Variants in DCLK1 observed in about 807,000 individuals in gnomAD.
DCLK1 encodes the protein serine/threonine-protein kinase DCLK1.
A neutral mutation model predicts 86.2 loss-of-function variants in DCLK1; 16 were observed. The ratio of observed to expected loss-of-function variants is 0.19; its 90% confidence interval spans 0.13 to 0.28. The LOEUF (loss-of-function observed/expected upper bound fraction) is 0.28. Ranked by LOEUF, DCLK1 falls within the 10% of genes least tolerant of loss-of-function variation. The pLI is 1.00. For missense variants in DCLK1, 590 were observed against 940.2 expected, an observed-to-expected ratio of 0.63 and a Z score of 4.87; for synonymous variants, 369 against 370.5, an observed-to-expected ratio of 1.00 and a Z score of 0.05.
intron 4 of DCLK1, among the ~76,000 whole-genome samples, chr13:35,942,174 T>G (rs1329773017): frequency 6.6e-6 from 1 of 151,400 alleles, no homozygotes; most frequent in Non-Finnish European, 1.5e-5. Context: ...GACATTTTTT[T>G]TTTGTTTTTT....
intron 2 of DCLK1, among the ~76,000 whole-genome samples, chr13:36,116,032 C>A (rs1470448276): frequency 6.6e-6 from 1 of 151,704 alleles, no homozygotes; most frequent in African/African-American, 2.4e-5. Context: ...TCACTGCAAC[C>A]TCTGCCTCCT....
At chr13:35,853,878 G>T (rs537474101) in intron 6 of DCLK1, among the ~76,000 whole-genome samples, 102 of 152,300 alleles carry the variant, frequency 6.7e-4, no homozygotes, top group African/African-American at 2.3e-3. Context: ...GATAAGAACA[G>T]TAGTCTCTCC....
Position 35,775,367 on chromosome 13 carries a change from T to C in DCLK1, c.2059-668A>G, listed in dbSNP as rs376302752. ...CACTTTACAAAGTTCATTTTCATCATAGTATTTGGTAATTTATGAAACTGA... is the reference window on the plus strand; with the variant it reads ...CACTTTACAAAGTTCATTTTCATCACAGTATTTGGTAATTTATGAAACTGA... On this transcript the variant is annotated intron_variant, in intron 16 of 16. Transcript: ENST00000360631. Among the ~76,000 whole-genome samples the C allele has an allele frequency of 2.2e-4, 33 of 152,326 alleles. No individual in the cohort carries two copies. The East Asian group carries it at 6.0e-3, about 28-fold the overall frequency.
chr13:35,998,407 T>C (rs1336177397), intron 3 of DCLK1, among the ~76,000 whole-genome samples: 1 of 152,128 alleles, frequency 6.6e-6, no homozygotes, highest in Non-Finnish European at 1.5e-5. Flanking sequence ...CACACCCACA[T>C]TGATGGCTCT....
At chr13:35,953,847 C>A (rs1216394425) in intron 3 of DCLK1, among the ~76,000 whole-genome samples, 5 of 152,310 alleles carry the variant, frequency 3.3e-5, no homozygotes, top group African/African-American at 1.2e-4. Flanking sequence ...AGAGCGCCCT[C>A]TTCAAACGAA....
In DCLK1 at chr13:35,838,797, G is replaced by A. The variant is rs117367627; in HGVS notation, c.1120+295C>T. ...AGTTTGGGAAAACAAAAGCAGCCAC[G>A]ATCCCAGCGATCCCCTCTTATTTCC... On this transcript the variant is annotated intron_variant, in intron 7 of 16. Transcript: ENST00000360631. 7.9e-3 allele frequency among the ~76,000 whole-genome samples: 1,203 copies of A among 152,230 alleles called. 5 individuals are homozygous for A. Among genetic ancestry groups the A allele is most frequent in the Admixed American group, 0.014 (219 of 15,286 alleles).
At chr13:35,791,455 C>T (rs1220948687) in intron 16 of DCLK1, among the ~76,000 whole-genome samples, 14 of 151,882 alleles carry the variant, frequency 9.2e-5, no homozygotes, top group Non-Finnish European at 1.9e-4. Flanking sequence ...CAAAGTGGTC[C>T]AATCATGACA....
intron 4 of DCLK1, among the ~76,000 whole-genome samples, chr13:35,907,563 C>T (rs1874755855): frequency 6.6e-6 from 1 of 152,154 alleles, no homozygotes; most frequent in African/African-American, 2.4e-5. Flanking sequence ...TTCTGTGATT[C>T]CCAAATAAAA....
intron 10 of DCLK1, among the ~76,000 whole-genome samples, chr13:35,823,348 T>C (rs1298225796): frequency 7.5e-6 from 1 of 133,748 alleles, no homozygotes; most frequent in Non-Finnish European, 1.6e-5. Flanking sequence ...AGTGAAATTA[T>C]TAGGATGCAC....
chr13:35,947,890 C>T (rs1204183655), intron 3 of DCLK1, among the ~76,000 whole-genome samples: 1 of 152,232 alleles, frequency 6.6e-6, no homozygotes, highest in Admixed American at 6.5e-5. Context: ...AAATACTTCT[C>T]TCATGATATG....
intron 3 of DCLK1, among the ~76,000 whole-genome samples, chr13:36,041,073 A>G (rs1882686627): frequency 6.6e-6 from 1 of 152,172 alleles, no homozygotes; most frequent in South Asian, 2.1e-4. Context: ...GGAGAATGGT[A>G]TTAAACACCA....
intron 3 of DCLK1, among the ~76,000 whole-genome samples, chr13:36,103,442 C>T (rs1000408376): frequency 4.0e-5 from 6 of 150,046 alleles, no homozygotes; most frequent in East Asian, 3.9e-4. Flanking sequence ...GAAAAAAGAC[C>T]GAAATATGAG....
At position 36,112,108 on chromosome 13, in the gene DCLK1, C is replaced by A; in HGVS notation, c.484G>T (p.Ala162Ser). 8 of 1,613,982 alleles carry A rather than the reference C, an allele frequency of 5.0e-6. No individual in the cohort carries two copies. The highest frequency in any genetic ancestry group is 6.8e-6 in the Non-Finnish European group (8 of 1,179,928). ...VNVKTTSASRAVSSLATAKGS... is the reference protein window; with the variant it reads ...VNVKTTSASRSVSSLATAKGS... ...TTGGCAGTGGCCAGTGAAGACACTG[C>A]CCGAGAAGCCGAGGTGGTCTTGACG... Residue 162 changes from alanine (A) to serine (S), a missense_variant, in exon 3 of 17, where the codon GCA (alanine) becomes TCA (serine). Coordinates refer to ENST00000360631, the MANE Select transcript of DCLK1 (RefSeq NM_001330071.2).
At chr13:36,067,206 C>T (rs1360581461) in intron 3 of DCLK1, among the ~76,000 whole-genome samples, 70 of 128,326 alleles carry the variant, frequency 5.5e-4, no homozygotes, top group East Asian at 3.3e-3. Flanking sequence ...GGCACATATA[C>T]ACCATGGAAT....
At chr13:36,071,209 C>T (rs1883962104) in intron 3 of DCLK1, among the ~76,000 whole-genome samples, 1 of 151,888 alleles carries the variant, frequency 6.6e-6, no homozygotes, top group African/African-American at 2.4e-5. Context: ...CCCAAATTTC[C>T]CATGAAATTG....
chr13:35,942,324 A>G (rs947761232), intron 4 of DCLK1, among the ~76,000 whole-genome samples: 3 of 151,832 alleles, frequency 2.0e-5, no homozygotes, highest in Admixed American at 2.0e-4. Flanking sequence ...ATGCCACCAC[A>G]CCCAGCTAAT....
chr13:35,930,159 A>T (rs1324419155), intron 4 of DCLK1, among the ~76,000 whole-genome samples: 4 of 152,206 alleles, frequency 2.6e-5, no homozygotes, highest in Admixed American at 6.5e-5. Flanking sequence ...ACTTTCCAGA[A>T]CATTTTTGTT....
intron 3 of DCLK1, among the ~76,000 whole-genome samples, chr13:35,977,708 G>T (rs1294030886): frequency 6.6e-6 from 1 of 152,036 alleles, no homozygotes; most frequent in South Asian, 2.1e-4. Flanking sequence ...GAGAACAAAT[G>T]ATTAGGTTTA....
chr13:36,044,307 A>G (rs755379539), intron 3 of DCLK1, among the ~76,000 whole-genome samples: 1 of 152,316 alleles, frequency 6.6e-6, no homozygotes, highest in Non-Finnish European at 1.5e-5. Flanking sequence ...CCAGTCTCTG[A>G]TATTGCTTTA....
Sources: gnomAD v4.1 joint callset for allele counts (sites outside exome capture counted in the v4.1 genomes callset) on GRCh38, gnomAD v4.1.1 for gene constraint, MANE v1.5 for transcripts, NCBI Gene and HGNC (gene_info 2026-07-23, HGNC 2026-07-21) for gene names.